Variants in KCNAB1 observed in about 807,000 individuals in gnomAD.
The protein encoded by KCNAB1 is voltage-gated potassium channel subunit beta-1.
Under a neutral mutation model 64.6 loss-of-function variants are expected in KCNAB1, and 35 were observed. The ratio of observed to expected loss-of-function variants is 0.54; its 90% CI spans 0.41 to 0.72. The LOEUF is 0.72. KCNAB1 is among the 30% of genes least tolerant of loss of function. KCNAB1 has a pLI of 0.00. For synonymous variants in KCNAB1, 177 were observed against 183.8 expected (o/e 0.96, Z 0.30); for missense variants, 401 against 512.9 (o/e 0.78, Z 2.11).
intron 1 of KCNAB1, among the ~76,000 whole-genome samples, chr3:156,196,023 A>G (rs561062103): frequency 4.7e-4 from 71 of 152,100 alleles, no homozygotes; most frequent in African/African-American, 1.7e-3. Context: ...AGTTTTCCGA[A>G]CACCATTTAT....
intron 1 of KCNAB1, among the ~76,000 whole-genome samples, chr3:156,280,569 T>C (rs1398343832): frequency 1.5e-4 from 22 of 145,416 alleles, no homozygotes; most frequent in African/African-American, 5.4e-4. Flanking sequence ...AGTATGGCCA[T>C]TTTCACGATA....
Position 156,536,640 on chromosome 3 carries a change from T to G in KCNAB1, c.1171-18T>G, listed in dbSNP as rs962735043. The G allele has an allele frequency of 6.5e-7, 1 of 1,549,826 alleles. No homozygotes were observed. The highest frequency in any genetic ancestry group is 1.4e-5 in the African/African-American group (1 of 73,600). ...ACACTGCTAACAATATCCTTTGTAC[T>G]TCTCCTCCTGCTCTCAGGTTCTCCC... is the stretch of plus-strand genomic sequence containing the variant. On this transcript the variant is annotated intron_variant, in intron 13 of 13. Transcript: ENST00000490337.
chr3:156,536,855 A>G lies in KCNAB1; in HGVS notation c.*108A>G. The G allele has an allele frequency of 2.6e-6, 2 of 757,016 alleles. No homozygotes were observed. The highest frequency in any genetic ancestry group is 3.1e-5 in the South Asian group (2 of 65,052). The allele number at this position is 757,016 out of a possible 1,614,324, so 46.9% of individuals were successfully genotyped here. A position where few individuals can be genotyped will look rare whatever the true frequency, so the allele number is the denominator to read the frequency against. On this transcript the variant is annotated 3_prime_UTR_variant, in exon 14 of 14. Coordinates refer to ENST00000490337, the MANE Select transcript of KCNAB1 (RefSeq NM_172160.3). ...GAATCACTTAGCAGCTTGCTGCTCAACCTCTAGTGTCCCTCCCTGGATTCT... is the reference window on the plus strand; with the variant it reads ...GAATCACTTAGCAGCTTGCTGCTCAGCCTCTAGTGTCCCTCCCTGGATTCT...
intron 11 of KCNAB1, among the ~76,000 whole-genome samples, chr3:156,520,336 T>A (rs1230563848): frequency 6.6e-6 from 1 of 152,164 alleles, no homozygotes; most frequent in Non-Finnish European, 1.5e-5. Context: ...ATCCTAGCAC[T>A]TTGGGAGGTG....
At position 156,260,065 on chromosome 3, in the gene KCNAB1, G is replaced by A. The variant is rs139298535; in HGVS notation, c.275+139179G>A. Among the ~76,000 whole-genome samples, 404 of 152,150 alleles carry A rather than the reference G, an allele frequency of 2.7e-3. 1 individual carries two copies. Among genetic ancestry groups the A allele is most frequent in the African/African-American group, 9.3e-3 (385 of 41,506 alleles). ...CTCAAGAACCCCCCAGCAACTAAAC[G>A]CATTGTTCTTTCTGATCCTGCCTTG... On this transcript the variant is annotated intron_variant, in intron 1 of 13. Coordinates refer to ENST00000490337, the MANE Select transcript of KCNAB1 (RefSeq NM_172160.3).
In KCNAB1 at chr3:156,457,286, A is replaced by G. The variant is rs1026925563; in HGVS notation, c.358-167A>G. 9.1e-6 allele frequency: 13 copies of G among 1,433,652 alleles called. No individual in the cohort carries two copies. In the East Asian group the frequency reaches 1.5e-4, roughly 17 times the overall value. 88.8% of individuals were successfully genotyped at this position (1,433,652 alleles called of 1,614,324 possible). A position where few individuals can be genotyped will look rare whatever the true frequency, so the allele number is the denominator to read the frequency against. On this transcript the variant is annotated intron_variant, in intron 3 of 13. Transcript: ENST00000490337. ...CTGAAGGAAAGAATACTTCTGTCCT[A>G]TGGATACTGGCTGAGACTTCTTTCT...
chr3:156,480,275 T>C (rs1023468512), intron 8 of KCNAB1, among the ~76,000 whole-genome samples: 1 of 151,422 alleles, frequency 6.6e-6, no homozygotes, highest in African/African-American at 2.4e-5. Flanking sequence ...AGCTGTCCAA[T>C]AGAAATATAA....
intron 1 of KCNAB1, among the ~76,000 whole-genome samples, chr3:156,246,576 C>T (rs1197376009): frequency 5.5e-5 from 8 of 145,578 alleles, no homozygotes; most frequent in African/African-American, 2.1e-4. Flanking sequence ...GCACTCCAGC[C>T]TGGGCAACAG....
chr3:156,351,024 G>A (rs1724823863), intron 1 of KCNAB1, among the ~76,000 whole-genome samples: 1 of 152,220 alleles, frequency 6.6e-6, no homozygotes, highest in Non-Finnish European at 1.5e-5. Flanking sequence ...GAAGGAATCA[G>A]ACAGATTAAA....
intron 1 of KCNAB1, among the ~76,000 whole-genome samples, chr3:156,251,292 A>G (rs1448404637): frequency 1.3e-5 from 2 of 152,246 alleles, no homozygotes; most frequent in Non-Finnish European, 2.9e-5. Context: ...TGAAATACAA[A>G]TCACTTGAGA....
chr3:156,220,980 T>TC (rs1715690873), intron 1 of KCNAB1, among the ~76,000 whole-genome samples: 1 of 152,226 alleles, frequency 6.6e-6, no homozygotes, highest in African/African-American at 2.4e-5. Flanking sequence ...GGGAATCCTT[T>TC]CCCCATTGCT....
chr3:156,328,596 T>G (rs115856459), intron 1 of KCNAB1, among the ~76,000 whole-genome samples: 1 of 152,332 alleles, frequency 6.6e-6, no homozygotes, highest in Non-Finnish European at 1.5e-5. Flanking sequence ...ATAACTGTTG[T>G]TGAGTTGAGT....
Position 156,514,350 on chromosome 3 carries a change from T to C in KCNAB1, c.659-14T>C, listed in dbSNP as rs1208402369. On this transcript the variant is annotated splice_polypyrimidine_tract_variant and intron_variant, in intron 8 of 13. Transcript: ENST00000490337. The stretch of plus-strand genomic sequence containing the variant: ...GACAAATTCATGAAATGCTGTCTGT[T>C]TGACCTTCCACAGAAATTGTCCGAG... 1 of 1,608,900 alleles carries C rather than the reference T, an allele frequency of 6.2e-7. No homozygotes were observed. The highest frequency in any genetic ancestry group is 8.5e-7 in the Non-Finnish European group (1 of 1,175,216).
intron 1 of KCNAB1, among the ~76,000 whole-genome samples, chr3:156,214,694 G>A (rs13099875): frequency 0.12 from 18,075 of 152,168 alleles, 1,242 homozygotes; most frequent in Non-Finnish European, 0.15. Flanking sequence ...GAAACCACCC[G>A]ACCGTATTCT....
At chr3:156,166,046 C>G (rs1711540586) in intron 1 of KCNAB1, among the ~76,000 whole-genome samples, 1 of 152,108 alleles carries the variant, frequency 6.6e-6, no homozygotes, top group African/African-American at 2.4e-5. Flanking sequence ...TTGGGCCCCT[C>G]ATTTTTTCCA....
chr3:156,272,881 C>T (rs1719117377), intron 1 of KCNAB1, among the ~76,000 whole-genome samples: 1 of 152,104 alleles, frequency 6.6e-6, no homozygotes, highest in South Asian at 2.1e-4. Context: ...TACCTGGTTA[C>T]TGCTGCTGAT....
intron 1 of KCNAB1, among the ~76,000 whole-genome samples, chr3:156,179,408 G>T (rs954266844): frequency 6.7e-6 from 1 of 149,090 alleles, no homozygotes; most frequent in Non-Finnish European, 1.5e-5. Context: ...ATTATTCCCT[G>T]GTTTGGAACC....
intron 1 of KCNAB1, among the ~76,000 whole-genome samples, chr3:156,261,908 G>A (rs935205476): frequency 1.3e-5 from 2 of 151,922 alleles, no homozygotes; most frequent in Non-Finnish European, 2.9e-5. Context: ...GTAACGTTTT[G>A]TAGTAATCAG....
chr3:156,250,640 T>G (rs1681437496), intron 1 of KCNAB1, among the ~76,000 whole-genome samples: 1 of 152,198 alleles, frequency 6.6e-6, no homozygotes, highest in South Asian at 2.1e-4. Flanking sequence ...CTGGGAGAGC[T>G]GATGATTTTG....
Sources: gnomAD v4.1 joint callset for allele counts (sites outside exome capture counted in the v4.1 genomes callset) on GRCh38, gnomAD v4.1.1 for gene constraint, MANE v1.5 for transcripts, NCBI Gene and HGNC (gene_info 2026-07-23, HGNC 2026-07-21) for gene names.